LRP1B: variants seen among roughly 807,000 people sequenced by gnomAD.
LRP1B encodes the protein low-density lipoprotein receptor-related protein 1B.
In LRP1B, 217 loss-of-function variants were observed where a neutral mutation model predicts 556.6. That is an observed-to-expected ratio of 0.39 (90% CI 0.35 to 0.44). The LOEUF (loss-of-function observed/expected upper bound fraction) is 0.44. Among genes scored for constraint, LRP1B ranks in the 20% least tolerant of loss-of-function variants. LRP1B has a pLI of 1.00. For synonymous variants in LRP1B, 2,047 were observed against 1,865.8 expected (o/e 1.10, Z -2.50); for missense variants, 5,053 against 5,620.8 (o/e 0.90, Z 3.23).
chr2:141,648,650 T>C (rs1689672698), intron 2 of LRP1B, among the ~76,000 whole-genome samples: 1 of 152,208 alleles, frequency 6.6e-6, no homozygotes, highest in Non-Finnish European at 1.5e-5. Flanking sequence ...CCATAGCACA[T>C]AGAATATGTT....
intron 3 of LRP1B, among the ~76,000 whole-genome samples, chr2:141,387,187 A>G (rs1689861691): frequency 6.6e-6 from 1 of 152,018 alleles, no homozygotes; most frequent in Non-Finnish European, 1.5e-5. Context: ...TTATGTTCAT[A>G]AGGAAAGTTG....
chr2:141,589,527 T>C (rs1300762822), intron 2 of LRP1B, among the ~76,000 whole-genome samples: 1 of 152,132 alleles, frequency 6.6e-6, no homozygotes, highest in East Asian at 1.9e-4. Flanking sequence ...CACAGCCCCA[T>C]CCCCTTTTTC....
chr2:140,817,723 AT>A (rs1475021562), intron 31 of LRP1B, among the ~76,000 whole-genome samples: 2 of 152,086 alleles, frequency 1.3e-5, no homozygotes, highest in African/African-American at 4.8e-5. Flanking sequence ...TATGTGTCTC[AT>A]TTGTTTTCTA....
chr2:140,534,132 T>C lies in LRP1B; in HGVS notation c.7651A>G (p.Ser2551Gly), dbSNP rs1690843931. 14 of 1,610,868 alleles carry C rather than the reference T, an allele frequency of 8.7e-6. No individual in the cohort carries two copies. The highest frequency in any genetic ancestry group is 1.3e-5 in the African/African-American group (1 of 74,728). Residue 2551 changes from serine (S) to glycine (G), a missense_variant, in exon 47 of 91, where the codon AGC becomes GGC. Physicochemically the swap from Ser to Gly is moderately conservative, Grantham distance 56. Coordinates refer to ENST00000389484, the MANE Select transcript of LRP1B (RefSeq NM_018557.3). ...DEKLLYCENRSCRRGFKPCYN... is the reference protein window; with the variant it reads ...DEKLLYCENRGCRRGFKPCYN... ...CATGGCTTGAAGCCTCTTCGACAGC[T>C]TCTGTTTTCTTATAAATAAAAGTAG...
intron 51 of LRP1B, among the ~76,000 whole-genome samples, chr2:140,511,437 G>T (rs1689654328): frequency 6.6e-6 from 1 of 151,864 alleles, no homozygotes; most frequent in African/African-American, 2.4e-5. Flanking sequence ...GAGTAGCTGG[G>T]ACTACAGGCG....
At chr2:142,014,824 A>G (rs917457453) in intron 1 of LRP1B, among the ~76,000 whole-genome samples, 2 of 152,146 alleles carry the variant, frequency 1.3e-5, no homozygotes, top group Non-Finnish European at 2.9e-5. Context: ...ACAAGAGGTA[A>G]ATCAGCAGTC....
intron 3 of LRP1B, among the ~76,000 whole-genome samples, chr2:141,413,921 C>G (rs1315145943): frequency 6.8e-6 from 1 of 146,738 alleles, no homozygotes; most frequent in African/African-American, 2.5e-5. Flanking sequence ...GAGAAGAGAA[C>G]AGAAGAGAAG....
At chr2:141,678,666 C>A (rs1269882038) in intron 2 of LRP1B, among the ~76,000 whole-genome samples, 3 of 151,886 alleles carry the variant, frequency 2.0e-5, no homozygotes, top group South Asian at 2.1e-4. Flanking sequence ...CAAAGAATAT[C>A]TACATATTAA....
At chr2:141,294,093 A>G (rs1054228435) in intron 3 of LRP1B, among the ~76,000 whole-genome samples, 1 of 152,166 alleles carries the variant, frequency 6.6e-6, no homozygotes, top group Non-Finnish European at 1.5e-5. Flanking sequence ...CAGGGAAAAA[A>G]GAGACTAAAC....
At chr2:140,605,715 G>A (rs984325714) in intron 41 of LRP1B, among the ~76,000 whole-genome samples, 3 of 137,966 alleles carry the variant, frequency 2.2e-5, no homozygotes, top group South Asian at 2.2e-4. Flanking sequence ...TTTGAGATTC[G>A]CCATAGTTTT....
chr2:142,037,016 G>T (rs953214540), intron 1 of LRP1B, among the ~76,000 whole-genome samples: 1 of 151,600 alleles, frequency 6.6e-6, no homozygotes, highest in African/African-American at 2.4e-5. Flanking sequence ...GTCACACAGA[G>T]GACTATGTGT....
At chr2:141,838,567 C>T (rs1697366900) in intron 1 of LRP1B, among the ~76,000 whole-genome samples, 1 of 152,156 alleles carries the variant, frequency 6.6e-6, no homozygotes, top group African/African-American at 2.4e-5. Context: ...CATATTTAGA[C>T]ATTTAACTTC....
chr2:140,824,632 T>C (rs557807144), intron 31 of LRP1B, among the ~76,000 whole-genome samples: 4 of 152,266 alleles, frequency 2.6e-5, no homozygotes, highest in Admixed American at 2.6e-4. Flanking sequence ...CAGGTGCATA[T>C]ACATAATATT....
intron 7 of LRP1B, among the ~76,000 whole-genome samples, chr2:141,070,682 G>A (rs1280437675): frequency 6.6e-6 from 1 of 151,938 alleles, no homozygotes; most frequent in Non-Finnish European, 1.5e-5. Context: ...TATCACCACC[G>A]ATCCCACAGA....
rs112810850 is a variant in LRP1B at position 140,493,219 on chromosome 2, G to T, written c.9035-526C>A. Among the ~76,000 whole-genome samples the T allele has an allele frequency of 5.0e-3, 759 of 152,082 alleles. 10 individuals carry two copies. Among genetic ancestry groups the T allele is most frequent in the African/African-American group, 0.016 (650 of 41,514 alleles). On this transcript the variant is annotated intron_variant, in intron 56 of 90. Transcript: ENST00000389484. ...CTGAACTCCAGGTTCTAAAATCTTT[G>T]TTTGTTAATTTTACCTTTCCTCATG...
intron 43 of LRP1B, among the ~76,000 whole-genome samples, chr2:140,553,890 T>A (rs1293207011): frequency 1.3e-5 from 2 of 152,028 alleles, no homozygotes; most frequent in Non-Finnish European, 2.9e-5. Flanking sequence ...TTTTAAAGAA[T>A]GAATCCCTTT....
intron 66 of LRP1B, among the ~76,000 whole-genome samples, chr2:140,428,141 A>G (rs1051396962): frequency 1.3e-5 from 2 of 152,172 alleles, no homozygotes; most frequent in Non-Finnish European, 2.9e-5. Context: ...CTTATTCTCA[A>G]TATACATTTT....
intron 2 of LRP1B, among the ~76,000 whole-genome samples, chr2:141,526,024 T>C (rs1684684604): frequency 6.6e-6 from 1 of 152,068 alleles, no homozygotes; most frequent in Admixed American, 6.6e-5. Context: ...TCCAGTTCTT[T>C]ATAAGTTATT....
chr2:140,285,843 C>T (rs1683124349), intron 84 of LRP1B, among the ~76,000 whole-genome samples: 1 of 30,734 alleles, frequency 3.3e-5, no homozygotes, highest in African/African-American at 5.6e-5. Flanking sequence ...GGGATTCAGT[C>T]ATTACTCTTT....
Sources: gnomAD v4.1 joint callset for allele counts (sites outside exome capture counted in the v4.1 genomes callset) on GRCh38, gnomAD v4.1.1 for gene constraint, MANE v1.5 for transcripts, NCBI Gene and HGNC (gene_info 2026-07-23, HGNC 2026-07-21) for gene names.